Variants in TMEM38A observed in about 807,000 individuals in gnomAD.
The protein encoded by TMEM38A is transmembrane protein 38A.
In TMEM38A, 17 loss-of-function variants were observed where a neutral mutation model predicts 28.6. The observed-to-expected ratio is 0.60, with a 90% CI of 0.41 to 0.89. The LOEUF (loss-of-function observed/expected upper bound fraction) is 0.89, where lower values mean the gene tolerates loss of function less well. Among genes scored for constraint, TMEM38A ranks in the 40% least tolerant of loss-of-function variants. The pLI is 0.00. For synonymous variants in TMEM38A, 169 were observed against 166.1 expected (o/e 1.02, Z -0.14); for missense variants, 328 against 393.1 (o/e 0.83, Z 1.40).
chr19:16,681,636 A>G (rs1038642092), intron 3 of TMEM38A, among the ~76,000 whole-genome samples: 2 of 152,190 alleles, frequency 1.3e-5, no homozygotes, highest in African/African-American at 4.8e-5. Context: ...CCATTGAGCC[A>G]TGGTGTCCTC....
At chr19:16,683,754 T>C (rs2122597812) in intron 4 of TMEM38A, among the ~76,000 whole-genome samples, 1 of 152,208 alleles carries the variant, frequency 6.6e-6, no homozygotes, top group Non-Finnish European at 1.5e-5. Flanking sequence ...GCAGATCACC[T>C]GAGGTCGGCA....
chr19:16,664,014 A>G (rs2122572938), intron 1 of TMEM38A, among the ~76,000 whole-genome samples: 1 of 152,262 alleles, frequency 6.6e-6, no homozygotes, highest in South Asian at 2.1e-4. Flanking sequence ...TAAATACACA[A>G]TGAGCCTGTG....
chr19:16,680,613 C>T (rs1306494304), intron 3 of TMEM38A, 32 bp downstream of exon 3: 1 of 1,602,918 alleles, frequency 6.2e-7, no homozygotes. Context: ...AAAAATCATC[C>T]CAGTGGAGAA....
chr19:16,682,434 C>T lies in TMEM38A; in HGVS notation c.480C>T (p.Ala160=), dbSNP rs766197953. The T allele has an allele frequency of 7.4e-6, 12 of 1,613,734 alleles. No individual in the cohort carries two copies. Among genetic ancestry groups the T allele is most frequent in the Admixed American group, 3.3e-5 (2 of 59,950 alleles). ...CCTGTCCTGTAGGTTCTGGTGTCGC[C>T]CTCATGTCCAACTTTGAGCAGCTGC... is the stretch of plus-strand genomic sequence containing the variant. The part of the protein sequence containing the change: ...ATGWVKGSGV[A]LMSNFEQLLR... Residue 160 remains alanine (A), a synonymous_variant, in exon 4 of 6, where the codon GCC becomes GCT. Coordinates refer to ENST00000187762, the MANE Select transcript of TMEM38A (RefSeq NM_024074.4).
At chr19:16,668,525 G>T (rs1442685739) in intron 1 of TMEM38A, among the ~76,000 whole-genome samples, 1 of 147,502 alleles carries the variant, frequency 6.8e-6, no homozygotes, top group Non-Finnish European at 1.5e-5. Flanking sequence ...AAAAAAAAGA[G>T]ATGGGGGTTC....
intron 1 of TMEM38A, among the ~76,000 whole-genome samples, chr19:16,664,044 G>A (rs527546754): frequency 9.9e-5 from 15 of 152,266 alleles, no homozygotes; most frequent in Non-Finnish European, 1.8e-4. Flanking sequence ...CTGGTCAGTT[G>A]CAGCCTCGGG....
At chr19:16,686,249 A>T in intron 4 of TMEM38A, 39 bp from the exon 5 acceptor site, 1 of 1,537,274 alleles carries the variant, frequency 6.5e-7, no homozygotes, top group South Asian at 1.1e-5. Flanking sequence ...GACTTGAGCC[A>T]TGCAGGCACC....
At chr19:16,671,576 C>T (rs1041779981) in intron 1 of TMEM38A, among the ~76,000 whole-genome samples, 1 of 151,950 alleles carries the variant, frequency 6.6e-6, no homozygotes, top group Non-Finnish European at 1.5e-5. Context: ...TTGCCCAAGG[C>T]CATGCTAGAG....
chr19:16,686,213 G>A, intron 4 of TMEM38A, 75 bp from the exon 5 acceptor site: 1 of 1,055,946 alleles, frequency 9.5e-7, no homozygotes, highest in South Asian at 1.3e-5. Context: ...GCCAGGGCAG[G>A]GGGGTGTCTG....
chr19:16,680,079 G>A lies in TMEM38A; in HGVS notation c.220G>A (p.Gly74Arg), dbSNP rs2086774781. 1 of 1,611,204 alleles carries A rather than the reference G, an allele frequency of 6.2e-7. No homozygotes were observed. The highest frequency in any genetic ancestry group is 1.7e-5 in the Admixed American group (1 of 59,986). Residue 74 changes from glycine (G) to arginine (R), a missense_variant, in exon 2 of 6, where the codon GGG becomes AGG. Coordinates refer to ENST00000187762, the MANE Select transcript of TMEM38A (RefSeq NM_024074.4). The stretch of plus-strand genomic sequence containing the variant: ...CTACATCCTGGCTGATCTGCTCCTT[G>A]GGGAGCCACTGATCGATTACTTCAG... The part of the protein sequence containing the change: ...GSYILADLLL[G>R]EPLIDYFSNN...
At chr19:16,671,939 G>A (rs143771211) in intron 1 of TMEM38A, among the ~76,000 whole-genome samples, 2 of 152,320 alleles carry the variant, frequency 1.3e-5, no homozygotes, top group Non-Finnish European at 2.9e-5. Context: ...TGCAAAACAT[G>A]GGTGCCTCAC....
intron 1 of TMEM38A, among the ~76,000 whole-genome samples, chr19:16,672,829 C>T (rs970192587): frequency 6.6e-6 from 1 of 152,110 alleles, no homozygotes; most frequent in African/African-American, 2.4e-5. Context: ...ACATCTAAAA[C>T]AGAGATTCTC....
At chr19:16,687,582 C>T (rs2086806965) in intron 5 of TMEM38A, among the ~76,000 whole-genome samples, 1 of 152,112 alleles carries the variant, frequency 6.6e-6, no homozygotes, top group African/African-American at 2.4e-5. Context: ...AGTCCAAGAT[C>T]AGGGTACTAG....
chr19:16,678,169 G>A (rs539825275), intron 1 of TMEM38A, among the ~76,000 whole-genome samples: 5 of 152,140 alleles, frequency 3.3e-5, no homozygotes, highest in Non-Finnish European at 5.9e-5. Context: ...AGTGGCTCAT[G>A]CCTGTAATCC....
intron 1 of TMEM38A, among the ~76,000 whole-genome samples, chr19:16,666,696 T>G (rs2086704449): frequency 6.6e-6 from 1 of 152,120 alleles, no homozygotes; most frequent in Non-Finnish European, 1.5e-5. Context: ...GGCTCATGCC[T>G]ATAGTCCCAG....
intron 1 of TMEM38A, among the ~76,000 whole-genome samples, chr19:16,671,785 G>A (rs956618975): frequency 4.6e-5 from 7 of 152,352 alleles, no homozygotes; most frequent in East Asian, 1.9e-4. Context: ...GCATCTGCCC[G>A]TCAGAGCGTA....
At chr19:16,675,554 T>TC (rs1237325013) in intron 1 of TMEM38A, among the ~76,000 whole-genome samples, 2 of 147,532 alleles carry the variant, frequency 1.4e-5, no homozygotes, top group East Asian at 2.0e-4. Context: ...ATTTTTTTTT[T>TC]TTTTTTTTTT....
At chr19:16,684,812 G>A (rs1453579670) in intron 4 of TMEM38A, among the ~76,000 whole-genome samples, 4 of 150,090 alleles carry the variant, frequency 2.7e-5, no homozygotes, top group African/African-American at 9.9e-5. Context: ...GCCGAGATAG[G>A]AGGATTGCTC....
chr19:16,662,942 C>G (rs1377349954), intron 1 of TMEM38A, among the ~76,000 whole-genome samples: 3 of 151,878 alleles, frequency 2.0e-5, no homozygotes, highest in Non-Finnish European at 4.4e-5. Flanking sequence ...GGGAAGAATT[C>G]TTGGTGGTTC....
Sources: gnomAD v4.1 joint callset for allele counts (sites outside exome capture counted in the v4.1 genomes callset) on GRCh38, gnomAD v4.1.1 for gene constraint, MANE v1.5 for transcripts, NCBI Gene and HGNC (gene_info 2026-07-23, HGNC 2026-07-21) for gene names.